The following SCARB1 variants were observed in gnomAD, a reference collection of about 807,000 sequenced individuals.
SCARB1 encodes the protein CD36 and LIMPII analogous 1.
SCARB1 carries 30 observed loss-of-function variants against 57.2 expected under a neutral mutation model. The observed-to-expected ratio is 0.52, with a 90% confidence interval of 0.39 to 0.71. SCARB1 has a LOEUF of 0.71. Ranked by LOEUF, SCARB1 falls within the 30% of genes least tolerant of loss-of-function variation. SCARB1 has a pLI of 0.00. For missense variants in SCARB1, 543 were observed against 671.2 expected, an observed-to-expected ratio of 0.81 and a Z score of 2.11; for synonymous variants, 249 against 268.3, an observed-to-expected ratio of 0.93 and a Z score of 0.70.
At chr12:124,825,685 AG>A (rs1951130149) in intron 1 of SCARB1, among the ~76,000 whole-genome samples, 1 of 152,240 alleles carries the variant, frequency 6.6e-6, no homozygotes, top group South Asian at 2.1e-4. Flanking sequence ...AACAACAGAG[AG>A]CCCAGCCAGG....
At position 124,777,778 on chromosome 12, in the gene SCARB1, C is replaced by G. The variant is rs541781273; in HGVS notation, c.*809G>C. The G allele has an allele frequency of 6.6e-6, 1 of 152,484 alleles. No homozygotes were observed. The highest frequency in any genetic ancestry group is 2.4e-5 in the African/African-American group (1 of 41,588). The allele number at this position is 152,484 out of a possible 1,614,324, so 9.4% of individuals were successfully genotyped here. ...GGGCCCCCAGGCCTCTTCACCTCAG[C>G]CTGGGCACCTATAATCTGAGGGACC... On this transcript the variant is annotated 3_prime_UTR_variant, in exon 13 of 13. Coordinates refer to ENST00000261693, the MANE Select transcript of SCARB1 (RefSeq NM_005505.5).
At chr12:124,854,429 G>T (rs1277558566) in intron 1 of SCARB1, among the ~76,000 whole-genome samples, 1 of 152,224 alleles carries the variant, frequency 6.6e-6, no homozygotes, top group Admixed American at 6.5e-5. Context: ...GACGGGTCTG[G>T]CCATGTCAGG....
intron 1 of SCARB1, among the ~76,000 whole-genome samples, chr12:124,830,775 G>C (rs1951352160): frequency 6.6e-6 from 1 of 152,116 alleles, no homozygotes; most frequent in South Asian, 2.1e-4. Context: ...TAATGCATTT[G>C]ATACTTCAAT....
intron 5 of SCARB1, 123 bp downstream of exon 5, chr12:124,811,747 C>T (rs535507089): frequency 2.8e-6 from 2 of 720,586 alleles, no homozygotes; most frequent in Non-Finnish European, 2.5e-6. Context: ...GTTCATCCTC[C>T]CAGCACCCTC....
At chr12:124,828,951 A>C (rs1043161138) in intron 1 of SCARB1, among the ~76,000 whole-genome samples, 1 of 151,930 alleles carries the variant, frequency 6.6e-6, no homozygotes, top group African/African-American at 2.4e-5. Flanking sequence ...GGCTGACTAC[A>C]CTCTCAATCC....
chr12:124,818,832 T>A (rs112601640), intron 1 of SCARB1, among the ~76,000 whole-genome samples: 15 of 152,242 alleles, frequency 9.9e-5, no homozygotes, highest in African/African-American at 3.4e-4. Flanking sequence ...TAGTTTTTGT[T>A]TTTGTTTTAG....
intron 2 of SCARB1, among the ~76,000 whole-genome samples, 199 bp from the exon 3 acceptor site, chr12:124,815,313 C>T (rs906405926): frequency 2.0e-5 from 3 of 152,184 alleles, no homozygotes; most frequent in African/African-American, 7.2e-5. Context: ...ATGGTGTCGC[C>T]GCCCACCCGG....
chr12:124,863,568 G>C (rs779384766), intron 1 of SCARB1, 27 bp downstream of exon 1: 2 of 1,594,268 alleles, frequency 1.3e-6, no homozygotes, highest in East Asian at 2.3e-5. Context: ...GTCCGTGCGC[G>C]GACCCCCTGG....
Position 124,815,008 on chromosome 12 carries a change from T to C in SCARB1, c.391A>G (p.Ser131Gly). Residue 131 changes from serine to glycine, a missense_variant, in exon 3 of 13, where the codon AGC (serine) becomes GGC (glycine). Transcript: ENST00000261693. ...FQPSKSHGSE[S>G]DYIVMPNILV... ...ATGTTGGGCATGACGATGTAGTCGC[T>C]CTCCGAGCCGTGGGACTTGGAGGGC... The C allele has an allele frequency of 6.2e-7, 1 of 1,614,062 alleles. No homozygotes were observed. Among genetic ancestry groups the C allele is most frequent in the South Asian group, 1.1e-5 (1 of 91,066 alleles).
intron 1 of SCARB1, among the ~76,000 whole-genome samples, chr12:124,834,449 G>A (rs1014007019): frequency 2.6e-5 from 4 of 152,246 alleles, no homozygotes; most frequent in East Asian, 3.9e-4. Context: ...ATGAGGTCTC[G>A]GGCAATTTCT....
chr12:124,863,571 C>T, intron 1 of SCARB1, 24 bp downstream of exon 1: 1 of 1,597,168 alleles, frequency 6.3e-7, no homozygotes, highest in Non-Finnish European at 8.5e-7. Flanking sequence ...CGTGCGCGGA[C>T]CCCCTGGGGT....
At chr12:124,855,268 T>G in intron 1 of SCARB1, among the ~76,000 whole-genome samples, 1 of 150,996 alleles carries the variant, frequency 6.6e-6, no homozygotes. Flanking sequence ...AACAGTGGAG[T>G]GGAGGGAAAG....
In SCARB1 at chr12:124,807,903, C is replaced by T. The variant is rs144930511; in HGVS notation, c.867G>A (p.Glu289=). ...ACRSMKLMYK[E]SGVFEGIPTY... ...TGGGGATGCCTTCAAACACCCCTGACTCCTTGTACATTAGCTTCATGGATC... is the reference window on the plus strand; with the variant it reads ...TGGGGATGCCTTCAAACACCCCTGATTCCTTGTACATTAGCTTCATGGATC... The change falls in exon 7 of 13, where the codon GAG becomes GAA. Residue 289 remains glutamate, a synonymous_variant. Transcript: ENST00000261693. The surrounding 1 kb of genome is among the most constrained non-coding windows in gnomAD (Gnocchi z 5.3). The T allele has an allele frequency of 1.9e-6, 3 of 1,614,074 alleles. No individual in the cohort carries two copies. In the African/African-American group the frequency reaches 4.0e-5, roughly 22 times the overall value.
At chr12:124,835,176 C>T (rs1402852565) in intron 1 of SCARB1, among the ~76,000 whole-genome samples, 1 of 152,150 alleles carries the variant, frequency 6.6e-6, no homozygotes, top group South Asian at 2.1e-4. Context: ...TGTATGGAGG[C>T]ACGTGCAGAA....
At chr12:124,808,243 C>T (rs1406087075) in intron 6 of SCARB1, among the ~76,000 whole-genome samples, 4 of 152,118 alleles carry the variant, frequency 2.6e-5, no homozygotes, top group Non-Finnish European at 5.9e-5. Flanking sequence ...ATCACTTGAG[C>T]CCAGGAGTGT....
chr12:124,789,121 T>C lies in SCARB1; in HGVS notation c.1203-1664A>G, dbSNP rs838867. On this transcript the variant is annotated intron_variant, in intron 9 of 12. Coordinates refer to ENST00000261693, the MANE Select transcript of SCARB1 (RefSeq NM_005505.5). This position sits in a 1 kb window ranked among gnomAD's most constrained non-coding sequence, Gnocchi z 4.4. ...AAAGGGAGAATAAAAGTAAACTTGA[T>C]ACTGCAGAAACGTCACAGGCATGAC... 0.18 allele frequency among the ~76,000 whole-genome samples: 27,299 copies of C among 151,914 alleles called. 4,418 individuals carry two copies. The highest frequency in any genetic ancestry group is 0.42 in the East Asian group (2,154 of 5,150).
intron 7 of SCARB1, among the ~76,000 whole-genome samples, chr12:124,801,530 C>T (rs1216577886): frequency 1.3e-5 from 2 of 152,236 alleles, no homozygotes; most frequent in African/African-American, 4.8e-5. Context: ...TGCCTGTAAT[C>T]CCAACTCTTT....
Position 124,807,856 on chromosome 12 carries a change from T to G in SCARB1, c.914A>C (p.Lys305Thr). 1.2e-6 allele frequency: 2 copies of G among 1,614,092 alleles called. No homozygotes were observed. Among genetic ancestry groups the G allele is most frequent in the Non-Finnish European group, 8.5e-7 (1 of 1,180,008 alleles). ...GATGGACCCGTTGGCAAACAGGGTTTTGGGAGCCACGAAGCGATAGGTGGG... is the reference window on the plus strand; with the variant it reads ...GATGGACCCGTTGGCAAACAGGGTTGTGGGAGCCACGAAGCGATAGGTGGG... ...GIPTYRFVAP[K>T]TLFANGSIYP... Residue 305 changes from lysine to threonine, a missense_variant, in exon 7 of 13, where the codon AAA becomes ACA. Transcript: ENST00000261693. The surrounding 1 kb of genome is among the most constrained non-coding windows in gnomAD (Gnocchi z 5.3).
intron 9 of SCARB1, among the ~76,000 whole-genome samples, chr12:124,788,497 T>A (rs9919736): frequency 5.3e-5 from 8 of 152,136 alleles, no homozygotes; most frequent in African/African-American, 1.9e-4. Flanking sequence ...TTTTCCCTCC[T>A]CCCTTTCAGA....
Sources: allele counts gnomAD v4.1 joint callset (sites outside exome capture counted in the v4.1 genomes callset), GRCh38; gene constraint gnomAD v4.1.1; non-coding constraint Gnocchi (gnomAD v3.1); transcripts MANE v1.5; gene names NCBI Gene and HGNC (gene_info 2026-07-23, HGNC 2026-07-21).